The following MICU1 variants were observed in gnomAD, a reference collection of about 807,000 sequenced individuals.
The protein encoded by MICU1 is mitochondrial calcium uptake 1, also known as calcium uptake protein 1, mitochondrial.
A neutral mutation model predicts 56.8 loss-of-function variants in MICU1; 45 were observed. The observed-to-expected ratio is 0.79, with a 90% CI of 0.62 to 1.02. The LOEUF is 1.02. MICU1 is among the 50% of genes least tolerant of loss of function. The pLI is 0.00. For synonymous variants in MICU1, 186 were observed against 195.1 expected (o/e 0.95, Z 0.39); for missense variants, 504 against 587.1 (o/e 0.86, Z 1.46).
intron 9 of MICU1, among the ~76,000 whole-genome samples, chr10:72,414,746 A>G (rs1386044307): frequency 6.6e-6 from 1 of 152,234 alleles, no homozygotes; most frequent in Non-Finnish European, 1.5e-5. Flanking sequence ...CAGTCAGAGT[A>G]GATGAGACAA....
chr10:72,597,552 T>C (rs1350167202), intron 1 of MICU1, among the ~76,000 whole-genome samples: 2 of 152,162 alleles, frequency 1.3e-5, no homozygotes, highest in African/African-American at 2.4e-5. Flanking sequence ...AAATACATAA[T>C]GAGATATCTT....
At chr10:72,377,418 C>A (rs1215374719) in intron 10 of MICU1, among the ~76,000 whole-genome samples, 1 of 152,106 alleles carries the variant, frequency 6.6e-6, no homozygotes, top group African/African-American at 2.4e-5. Flanking sequence ...CCACACTCAG[C>A]GGGCCCGGCC....
intron 1 of MICU1, among the ~76,000 whole-genome samples, chr10:72,625,393 G>A (rs1361776804): frequency 6.6e-6 from 1 of 152,128 alleles, no homozygotes; most frequent in Non-Finnish European, 1.5e-5. Flanking sequence ...CATTCACATA[G>A]AGTCAATAAC....
chr10:72,368,056 GA>G lies in MICU1; in HGVS notation c.*138del. The G allele has an allele frequency of 2.3e-6, 2 of 883,400 alleles. No homozygotes were observed. The highest frequency in any genetic ancestry group is 1.9e-5 in the South Asian group (1 of 53,798). 54.7% of individuals were successfully genotyped at this position (883,400 alleles called of 1,614,324 possible). A position where few individuals can be genotyped will look rare whatever the true frequency, so the allele number is the denominator to read the frequency against. ...CGGGGACGGGGAAGGGTAAAGAGGG[GA>G]AACCGACAGAGTCCTGAGGTCATCC... On this transcript the variant is annotated 3_prime_UTR_variant, in exon 12 of 12. Transcript: ENST00000361114.
In MICU1 at chr10:72,494,758, C is replaced by T. The variant is rs192405252; in HGVS notation, c.652+13397G>A. 2.1e-3 allele frequency among the ~76,000 whole-genome samples: 313 copies of T among 151,782 alleles called. 2 individuals are homozygous for T. The highest frequency in any genetic ancestry group is 3.5e-3 in the Admixed American group (53 of 15,256). On this transcript the variant is annotated intron_variant, in intron 6 of 11. Transcript: ENST00000361114. ...TTCTTGAATTCCTCCAGCAAGGCTT[C>T]GGCTATACAGGCATTTATTCCTTCT...
intron 8 of MICU1, 124 bp from the exon 9 acceptor site, chr10:72,423,495 A>C (rs1864246564): frequency 1.7e-6 from 2 of 1,152,734 alleles, no homozygotes; most frequent in African/African-American, 1.6e-5. Flanking sequence ...TTTTTGAGGT[A>C]CAATTCTCAG....
chr10:72,536,372 A>G (rs901386309), intron 4 of MICU1, among the ~76,000 whole-genome samples: 2 of 152,062 alleles, frequency 1.3e-5, no homozygotes, highest in Non-Finnish European at 2.9e-5. Flanking sequence ...TTTGAGATGG[A>G]GTCTCGCTTT....
chr10:72,378,483 C>T (rs775386353), intron 10 of MICU1, among the ~76,000 whole-genome samples: 14 of 152,160 alleles, frequency 9.2e-5, no homozygotes, highest in African/African-American at 2.2e-4. Context: ...CCTTCCTCTT[C>T]GCCTTTCACC....
chr10:72,571,181 T>A lies in MICU1; in HGVS notation c.-1-4387A>T, dbSNP rs1206865234. ...GAGTTCGAGACCAGCCTGGCCAACATGGTGAAACCCTGTCTCTACTAAAAA... is the reference window on the plus strand; with the variant it reads ...GAGTTCGAGACCAGCCTGGCCAACAAGGTGAAACCCTGTCTCTACTAAAAA... On this transcript the variant is annotated intron_variant, in intron 1 of 11. Transcript: ENST00000361114. Among the ~76,000 whole-genome samples, 3 of 152,256 alleles carry A rather than the reference T, an allele frequency of 2.0e-5. No individual in the cohort carries two copies. The East Asian group carries it at 5.8e-4, about 29-fold the overall frequency.
intron 1 of MICU1, among the ~76,000 whole-genome samples, chr10:72,610,769 G>A (rs1260725984): frequency 6.6e-6 from 1 of 152,196 alleles, no homozygotes; most frequent in East Asian, 1.9e-4. Context: ...GCTTATGGAT[G>A]TAGCTTACAA....
At chr10:72,438,953 G>C (rs1243784724) in intron 8 of MICU1, among the ~76,000 whole-genome samples, 1 of 152,072 alleles carries the variant, frequency 6.6e-6, no homozygotes, top group Non-Finnish European at 1.5e-5. Context: ...GGATTCACAG[G>C]TGAATTCTAC....
intron 1 of MICU1, among the ~76,000 whole-genome samples, chr10:72,607,341 CAA>C (rs1255480642): frequency 1.5e-4 from 16 of 103,746 alleles, no homozygotes; most frequent in Non-Finnish European, 1.2e-4. Flanking sequence ...AACTCTGTTT[CAA>C]AAAAAAAAAA....
chr10:72,396,072 G>A (rs1047417319), intron 10 of MICU1, among the ~76,000 whole-genome samples: 1 of 152,186 alleles, frequency 6.6e-6, no homozygotes, highest in Admixed American at 6.5e-5. Flanking sequence ...CTGGGAGGAC[G>A]CTTCCAGAGG....
intron 3 of MICU1, among the ~76,000 whole-genome samples, chr10:72,562,252 C>T (rs1031498416): frequency 1.4e-5 from 2 of 146,544 alleles, no homozygotes; most frequent in African/African-American, 5.2e-5. Context: ...CTCCCGGGTT[C>T]AAGCAATTCT....
At position 72,374,525 on chromosome 10, in the gene MICU1, G is replaced by A. The variant is rs183532478; in HGVS notation, c.1270+1258C>T. 1.6e-3 allele frequency among the ~76,000 whole-genome samples: 242 copies of A among 152,272 alleles called. 1 individual carries two copies. Among genetic ancestry groups the A allele is most frequent in the African/African-American group, 5.5e-3 (228 of 41,536 alleles). ...GAGAAGTACTATCCAAGGTCCTATG[G>A]GGGGTAGGAAGGTGAAAAGGACTTG... On this transcript the variant is annotated intron_variant, in intron 11 of 11. Transcript: ENST00000361114.
intron 5 of MICU1, among the ~76,000 whole-genome samples, chr10:72,511,144 C>A (rs974793739): frequency 7.9e-5 from 12 of 152,056 alleles, no homozygotes; most frequent in African/African-American, 2.9e-4. Context: ...CCATTTTTAC[C>A]ATTTAACCAC....
chr10:72,414,600 T>C lies in MICU1; in HGVS notation c.1072-6563A>G, dbSNP rs193212019. Among the ~76,000 whole-genome samples the C allele has an allele frequency of 3.0e-3, 452 of 152,330 alleles. 3 individuals carry two copies. Among genetic ancestry groups the C allele is most frequent in the African/African-American group, 0.011 (437 of 41,572 alleles). On this transcript the variant is annotated intron_variant, in intron 9 of 11. Transcript: ENST00000361114. ...GTGATGGAAATGTTCTAAAACTGAA[T>C]GGCAGTAATAATTGCATAACTGCAA...
intron 10 of MICU1, among the ~76,000 whole-genome samples, chr10:72,402,743 GAAATGAT>G (rs1386323323): frequency 1.3e-5 from 2 of 152,124 alleles, no homozygotes; most frequent in African/African-American, 2.4e-5. Context: ...TGCACTACAG[GAAATGAT>G]AAAGGAAGTT....
intron 8 of MICU1, among the ~76,000 whole-genome samples, chr10:72,446,633 T>C (rs1446164726): frequency 6.6e-6 from 1 of 152,196 alleles, no homozygotes; most frequent in African/African-American, 2.4e-5. Context: ...CCAGCCCTAA[T>C]GGAGTATTTT....
Sources: gnomAD v4.1 joint callset for allele counts (sites outside exome capture counted in the v4.1 genomes callset) on GRCh38, gnomAD v4.1.1 for gene constraint, MANE v1.5 for transcripts, NCBI Gene and HGNC (gene_info 2026-07-23, HGNC 2026-07-21) for gene names.